The following THADA variants were observed in gnomAD, a reference collection of about 807,000 sequenced individuals.
THADA encodes the protein THADA armadillo repeat containing, also known as tRNA (32-2'-O)-methyltransferase regulator THADA.
In THADA, 213 loss-of-function variants were observed where a neutral mutation model predicts 219.8. The observed-to-expected ratio is 0.97, with a 90% CI of 0.87 to 1.09. The LOEUF is 1.09. Ranked by LOEUF, THADA falls within the 50% of genes least tolerant of loss-of-function variation. The pLI is 0.00. For missense variants in THADA, 2,956 were observed against 2,311.3 expected (o/e 1.28, Z -5.72); for synonymous variants, 1,018 against 828.9 (o/e 1.23, Z -3.92).
chr2:43,404,456 G>A (rs902804522), intron 28 of THADA, among the ~76,000 whole-genome samples: 1 of 151,032 alleles, frequency 6.6e-6, no homozygotes, highest in Non-Finnish European at 1.5e-5. Flanking sequence ...GCATCCCAGA[G>A]TGCTGGGATT....
chr2:43,447,681 C>T (rs560409072), intron 26 of THADA, among the ~76,000 whole-genome samples: 2 of 152,274 alleles, frequency 1.3e-5, no homozygotes, highest in African/African-American at 4.8e-5. Flanking sequence ...ACACAAAGTG[C>T]CAGCTCCAGG....
chr2:43,394,781 T>C (rs976327945), intron 29 of THADA, among the ~76,000 whole-genome samples: 2 of 152,224 alleles, frequency 1.3e-5, no homozygotes, highest in African/African-American at 4.8e-5. Flanking sequence ...CTTCTTTTTC[T>C]CAACCAGGGT....
chr2:43,509,547 G>A (rs1457073399), intron 22 of THADA, among the ~76,000 whole-genome samples: 1 of 152,038 alleles, frequency 6.6e-6, no homozygotes, highest in Non-Finnish European at 1.5e-5. Context: ...AAAGTCCAAA[G>A]GAAAAACACT....
At position 43,549,237 on chromosome 2, in the gene THADA, TCAC is replaced by T; in HGVS notation, c.3076_3078del (p.Val1026del). The T allele has an allele frequency of 1.3e-6, 2 of 1,584,524 alleles. No individual in the cohort carries two copies. The highest frequency in any genetic ancestry group is 1.7e-6 in the Non-Finnish European group (2 of 1,165,280). On this transcript the variant is annotated inframe_deletion, in exon 20 of 38. Transcript: ENST00000405975. ...TTGATTTCTGTAGAAGTATCAATAT[TCAC>T]CACACTAGCATTCAAGTCCTTCATA... is the stretch of plus-strand genomic sequence containing the variant.
intron 36 of THADA, among the ~76,000 whole-genome samples, chr2:43,236,905 CAAA>C (rs57933660): frequency 8.7e-6 from 1 of 115,324 alleles, no homozygotes; most frequent in Non-Finnish European, 1.9e-5. Flanking sequence ...ACTAAAAATA[CAAA>C]AAAAAAAAAA....
At chr2:43,551,283 A>G (rs960641091) in intron 19 of THADA, among the ~76,000 whole-genome samples, 1 of 152,208 alleles carries the variant, frequency 6.6e-6, no homozygotes, top group African/African-American at 2.4e-5. Context: ...GGAACACTCA[A>G]TTTTAGCACA....
intron 30 of THADA, among the ~76,000 whole-genome samples, chr2:43,327,142 G>A (rs948256318): frequency 2.6e-5 from 4 of 152,122 alleles, no homozygotes; most frequent in Non-Finnish European, 2.9e-5. Flanking sequence ...GAAGGCTCTA[G>A]AGGCATTGGA....
At chr2:43,247,866 G>A (rs1333297715) in intron 36 of THADA, among the ~76,000 whole-genome samples, 2 of 150,556 alleles carry the variant, frequency 1.3e-5, no homozygotes, top group African/African-American at 2.4e-5. Flanking sequence ...AACATAGTGA[G>A]AACCTGTGGC....
chr2:43,576,798 GC>G (rs1306810397), intron 10 of THADA, among the ~76,000 whole-genome samples: 25 of 152,190 alleles, frequency 1.6e-4, no homozygotes, highest in African/African-American at 6.0e-4. Context: ...GAGACTACAG[GC>G]GCATGCCACC....
intron 29 of THADA, among the ~76,000 whole-genome samples, chr2:43,364,245 G>A (rs1462022924): frequency 1.3e-5 from 2 of 151,952 alleles, no homozygotes; most frequent in African/African-American, 4.8e-5. Flanking sequence ...AAATAAAATA[G>A]AAAATAAAAA....
At chr2:43,277,496 G>C (rs1392231171) in intron 36 of THADA, among the ~76,000 whole-genome samples, 2 of 152,110 alleles carry the variant, frequency 1.3e-5, no homozygotes, top group African/African-American at 4.8e-5. Flanking sequence ...ACCCTTTCCA[G>C]AGAGACCCCA....
intron 1 of THADA, 65 bp from the exon 2 acceptor site, chr2:43,592,481 G>C (rs1701680902): frequency 7.2e-6 from 7 of 974,796 alleles, no homozygotes; most frequent in Non-Finnish European, 1.1e-5. Context: ...ATGATTTTTG[G>C]CTGGGTTCAT....
intron 29 of THADA, among the ~76,000 whole-genome samples, chr2:43,380,785 T>C (rs1180223227): frequency 6.6e-6 from 1 of 152,152 alleles, no homozygotes; most frequent in African/African-American, 2.4e-5. Flanking sequence ...AAGGTGAGAC[T>C]AGAACATCTT....
At chr2:43,242,136 G>GGT (rs1219420210) in intron 36 of THADA, among the ~76,000 whole-genome samples, 1 of 152,244 alleles carries the variant, frequency 6.6e-6, no homozygotes, top group Non-Finnish European at 1.5e-5. Flanking sequence ...CAGTGCTCAA[G>GGT]GTGTTCACAG....
At chr2:43,558,787 G>T (rs1697707166) in intron 16 of THADA, among the ~76,000 whole-genome samples, 1 of 152,008 alleles carries the variant, frequency 6.6e-6, no homozygotes. Context: ...TGTCCCTCTA[G>T]AAAACCCTAA....
intron 36 of THADA, among the ~76,000 whole-genome samples, chr2:43,235,245 G>C (rs1047763380): frequency 1.3e-5 from 2 of 151,878 alleles, no homozygotes; most frequent in Non-Finnish European, 2.9e-5. Context: ...CTTCCAATGC[G>C]CTGGGATTAC....
Position 43,592,363 on chromosome 2 carries a change from T to C in THADA, c.30A>G (p.Gln10=). ...GATGGCAAATGGTCAGCGCAGCAAC[T>C]TGCATTTCTTTCTTCTTCTTTACAC... is the stretch of plus-strand genomic sequence containing the variant. MGVKKKKEM[Q]VAALTICHQD... The change falls in exon 2 of 38, where the codon CAA becomes CAG. Residue 10 remains glutamine, a synonymous_variant. Transcript: ENST00000405975. The C allele has an allele frequency of 1.2e-6, 2 of 1,607,668 alleles. No homozygotes were observed. Among genetic ancestry groups the C allele is most frequent in the Non-Finnish European group, 1.7e-6 (2 of 1,176,938 alleles).
At chr2:43,286,001 C>T (rs990182210) in intron 35 of THADA, among the ~76,000 whole-genome samples, 1 of 152,204 alleles carries the variant, frequency 6.6e-6, no homozygotes, top group South Asian at 2.1e-4. Flanking sequence ...CTCAATACCA[C>T]CAAGTCCTGT....
chr2:43,409,984 T>G (rs1676075991), intron 28 of THADA, among the ~76,000 whole-genome samples: 1 of 149,888 alleles, frequency 6.7e-6, no homozygotes, highest in Non-Finnish European at 1.5e-5. Context: ...GCCACTGCAC[T>G]CCAGCTAGGG....
Sources: allele counts gnomAD v4.1 joint callset (sites outside exome capture counted in the v4.1 genomes callset), GRCh38; gene constraint gnomAD v4.1.1; transcripts MANE v1.5; gene names NCBI Gene and HGNC (gene_info 2026-07-23, HGNC 2026-07-21).